Variants in LRP11 observed in about 807,000 individuals in gnomAD.
LRP11 encodes the protein LDL receptor related protein 11, also known as low-density lipoprotein receptor-related protein 11.
A neutral mutation model predicts 43.1 loss-of-function variants in LRP11; 25 were observed. That is an observed-to-expected ratio of 0.58 (90% CI 0.42 to 0.81). The LOEUF (loss-of-function observed/expected upper bound fraction) is 0.81, where lower values mean the gene tolerates loss of function less well. Among genes scored for constraint, LRP11 ranks in the 30% least tolerant of loss-of-function variants. LRP11 has a pLI of 0.00. For missense variants in LRP11, 623 were observed against 665.1 expected (o/e 0.94, Z 0.70); for synonymous variants, 316 against 299.4 (o/e 1.06, Z -0.57).
At chr6:149,845,972 G>A (rs880246) in intron 2 of LRP11, among the ~76,000 whole-genome samples, 54,468 of 151,984 alleles carry the variant, frequency 0.36, 10,716 homozygotes, top group East Asian at 0.82. Context: ...CCCTGTCCGC[G>A]GGTACCACCT....
chr6:149,852,198 T>TA (rs777845508), intron 2 of LRP11, among the ~76,000 whole-genome samples: 5 of 152,198 alleles, frequency 3.3e-5, no homozygotes, highest in African/African-American at 7.2e-5. Flanking sequence ...AAATCACTCT[T>TA]ACTTAAACCA....
chr6:149,855,234 T>C (rs1462731869), intron 1 of LRP11, among the ~76,000 whole-genome samples: 1 of 152,138 alleles, frequency 6.6e-6, no homozygotes, highest in East Asian at 1.9e-4. Flanking sequence ...TGAAAACAAA[T>C]ACATTAAGAC....
rs990139784 is a variant in LRP11, at chr6:149,827,634, G to A, written c.1253-1275C>T. Among the ~76,000 whole-genome samples, 33 of 152,230 alleles carry A rather than the reference G, an allele frequency of 2.2e-4. No homozygotes were observed. The highest frequency in any genetic ancestry group is 7.2e-4 in the African/African-American group (30 of 41,468). ...GAAGGAGAGAGATGAGGAAAGCACA[G>A]CCATTGCTCATAGGCTGCAGGATCA... On this transcript the variant is annotated intron_variant, in intron 5 of 6. Coordinates refer to ENST00000239367, the MANE Select transcript of LRP11 (RefSeq NM_032832.6). This position sits in a 1 kb window ranked among gnomAD's most constrained non-coding sequence, Gnocchi z 4.2.
Position 149,819,503 on chromosome 6 carries a change from T to C in LRP11, c.*1046A>G, listed in dbSNP as rs1484400435. On this transcript the variant is annotated 3_prime_UTR_variant, in exon 7 of 7. Transcript: ENST00000239367. Reference sequence around the variant, plus strand: ...CTGGTTTTCTGTAAAGATGAATTTGTGAAAAACTGCTTTATGGTCTAGAAA... The same window carrying C: ...CTGGTTTTCTGTAAAGATGAATTTGCGAAAAACTGCTTTATGGTCTAGAAA... The C allele has an allele frequency of 6.6e-6, 1 of 152,630 alleles. No individual in the cohort carries two copies. The highest frequency in any genetic ancestry group is 1.5e-5 in the Non-Finnish European group (1 of 68,034). 9.5% of individuals were successfully genotyped at this position (152,630 alleles called of 1,614,324 possible). A position where few individuals can be genotyped will look rare whatever the true frequency, so the allele number is the denominator to read the frequency against.
intron 1 of LRP11, among the ~76,000 whole-genome samples, chr6:149,858,736 T>C (rs183406087): frequency 1.2e-4 from 18 of 152,354 alleles, no homozygotes; most frequent in African/African-American, 4.3e-4. Context: ...GCACTGCCCA[T>C]GTGATAACCT....
chr6:149,821,754 TA>T (rs1259257195), intron 6 of LRP11, among the ~76,000 whole-genome samples: 1 of 152,202 alleles, frequency 6.6e-6, no homozygotes, highest in Admixed American at 6.5e-5. Flanking sequence ...TTTTTAGCTG[TA>T]GGGATCTTGC....
At chr6:149,857,247 C>T (rs1046620041) in intron 1 of LRP11, among the ~76,000 whole-genome samples, 8 of 152,184 alleles carry the variant, frequency 5.3e-5, no homozygotes, top group East Asian at 3.9e-4. Context: ...TTGAAACAGA[C>T]GCGGCCGGGT....
At chr6:149,826,724 A>T (rs1212602489) in intron 5 of LRP11, among the ~76,000 whole-genome samples, 1 of 152,138 alleles carries the variant, frequency 6.6e-6, no homozygotes, top group East Asian at 1.9e-4. Context: ...AGAATAAACA[A>T]TGGGCATATA....
intron 3 of LRP11, among the ~76,000 whole-genome samples, chr6:149,839,190 C>T (rs1038974688): frequency 6.6e-6 from 1 of 151,888 alleles, no homozygotes; most frequent in African/African-American, 2.4e-5. Flanking sequence ...CCACTGCGCC[C>T]GGCCTTGGAC....
In LRP11 at chr6:149,863,538, G is replaced by A. The variant is rs1218870321; in HGVS notation, c.483C>T (p.Tyr161=). ...PAPPAAVLGC[Y]LFNCTARGRN... is the part of the protein sequence containing the mutation. ...GGCCGCGCGCCGTGCAGTTGAAGAG[G>A]TAGCAGCCGAGCACGGCTGCCGGGG... The change falls in exon 1 of 7, where the codon TAC becomes TAT. Residue 161 remains tyrosine, a synonymous_variant. Coordinates refer to ENST00000239367, the MANE Select transcript of LRP11 (RefSeq NM_032832.6). 1.5e-6 allele frequency: 2 copies of A among 1,363,394 alleles called. No individual in the cohort carries two copies. The highest frequency in any genetic ancestry group is 3.8e-5 in the Admixed American group (1 of 26,230). The allele number at this position is 1,363,394 out of a possible 1,614,324, so 84.5% of individuals were successfully genotyped here.
chr6:149,864,196 C>T lies in LRP11; in HGVS notation c.-176G>A, dbSNP rs1562451030. 1.8e-5 allele frequency: 20 copies of T among 1,121,616 alleles called. No homozygotes were observed. The highest frequency in any genetic ancestry group is 4.9e-5 in the Admixed American group (1 of 20,204). 69.5% of individuals were successfully genotyped at this position (1,121,616 alleles called of 1,614,324 possible). A position where few individuals can be genotyped will look rare whatever the true frequency, so the allele number is the denominator to read the frequency against. On this transcript the variant is annotated 5_prime_UTR_variant, in exon 1 of 7. Coordinates refer to ENST00000239367, the MANE Select transcript of LRP11 (RefSeq NM_032832.6). ...GCTCCCCCGAGGTCGCGGGCGCCGGCGGGAACCGCAGTAGCGGGAGACATA... is the reference window on the plus strand; with the variant it reads ...GCTCCCCCGAGGTCGCGGGCGCCGGTGGGAACCGCAGTAGCGGGAGACATA...
At chr6:149,850,286 A>G (rs1013730968) in intron 2 of LRP11, among the ~76,000 whole-genome samples, 2 of 152,210 alleles carry the variant, frequency 1.3e-5, no homozygotes, top group Non-Finnish European at 2.9e-5. Flanking sequence ...GCAGGAAGCC[A>G]TTCTCAGAGA....
chr6:149,863,907 G>A lies in LRP11; in HGVS notation c.114C>T (p.Ala38=), dbSNP rs1233334227. 1 of 1,481,558 alleles carries A rather than the reference G, an allele frequency of 6.7e-7. No individual in the cohort carries two copies. The highest frequency in any genetic ancestry group is 8.9e-7 in the Non-Finnish European group (1 of 1,123,560). The allele number at this position is 1,481,558 out of a possible 1,614,324, so 91.8% of individuals were successfully genotyped here. A position where few individuals can be genotyped will look rare whatever the true frequency, so the allele number is the denominator to read the frequency against. Residue 38 remains alanine, a synonymous_variant, in exon 1 of 7, where the codon GCC becomes GCT. Coordinates refer to ENST00000239367, the MANE Select transcript of LRP11 (RefSeq NM_032832.6). ...LCLWLPSGRA[A]LPPAAPLSEL... ...CGGACAGCGGCGCCGCGGGCGGCAA[G>A]GCCGCACGGCCGCTTGGCAGCCACA...
At chr6:149,853,385 G>T (rs1776752923) in intron 1 of LRP11, among the ~76,000 whole-genome samples, 1 of 152,118 alleles carries the variant, frequency 6.6e-6, no homozygotes, top group African/African-American at 2.4e-5. Flanking sequence ...TTGGGTACAA[G>T]GCAGCATACG....
chr6:149,838,245 G>A (rs114760019), intron 3 of LRP11, among the ~76,000 whole-genome samples: 1 of 151,814 alleles, frequency 6.6e-6, no homozygotes, highest in African/African-American at 2.4e-5. Context: ...CATATGCTAT[G>A]TCTTACATTC....
intron 6 of LRP11, among the ~76,000 whole-genome samples, chr6:149,821,392 TA>T (rs1172734185): frequency 6.6e-6 from 1 of 152,230 alleles, no homozygotes; most frequent in Non-Finnish European, 1.5e-5. Context: ...TATGAATTCA[TA>T]CATGATCATT....
chr6:149,862,253 G>A (rs1776915650), intron 1 of LRP11, among the ~76,000 whole-genome samples: 1 of 152,214 alleles, frequency 6.6e-6, no homozygotes, highest in Admixed American at 6.5e-5. Flanking sequence ...CAGATTTCCA[G>A]ACTCTTTCAA....
chr6:149,838,646 C>T (rs1776504048), intron 3 of LRP11, among the ~76,000 whole-genome samples: 1 of 150,596 alleles, frequency 6.6e-6, no homozygotes, highest in Non-Finnish European at 1.5e-5. Flanking sequence ...GATTGTGACA[C>T]TGCACTCCAG....
intron 5 of LRP11, among the ~76,000 whole-genome samples, chr6:149,832,417 T>C (rs1179906879): frequency 6.6e-6 from 1 of 151,752 alleles, no homozygotes; most frequent in African/African-American, 2.4e-5. Context: ...GGTCTTGAAC[T>C]GACCTCGTGA....
Sources: gnomAD v4.1 joint callset for allele counts (sites outside exome capture counted in the v4.1 genomes callset) on GRCh38, gnomAD v4.1.1 for gene constraint, Gnocchi (gnomAD v3.1) non-coding constraint, MANE v1.5 for transcripts, NCBI Gene and HGNC (gene_info 2026-07-23, HGNC 2026-07-21) for gene names.